RBPJ: variants seen among roughly 807,000 people sequenced by gnomAD.
RBPJ encodes recombination signal binding protein for immunoglobulin kappa J region, also known as recombining binding protein suppressor of hairless.
RBPJ carries 9 observed loss-of-function variants against 67.8 expected under a neutral mutation model. The ratio of observed to expected loss-of-function variants is 0.13; its 90% confidence interval spans 0.08 to 0.23. RBPJ has a LOEUF of 0.23. RBPJ is among the 10% of genes least tolerant of loss of function. The pLI, the probability that RBPJ is intolerant of heterozygous loss-of-function variation, is 1.00. For missense variants in RBPJ, 305 were observed against 595.6 expected (o/e 0.51, Z 5.08); for synonymous variants, 198 against 203.3 (o/e 0.97, Z 0.22).
intron 1 of RBPJ, among the ~76,000 whole-genome samples, chr4:26,253,589 G>A (rs1202324464): frequency 6.6e-6 from 1 of 151,008 alleles, no homozygotes; most frequent in Admixed American, 6.6e-5. Context: ...GGGTTAATCT[G>A]CTATTTCAAC....
intron 1 of RBPJ, among the ~76,000 whole-genome samples, chr4:26,354,640 G>A (rs1577505653): frequency 6.6e-6 from 1 of 151,820 alleles, no homozygotes; most frequent in South Asian, 2.1e-4. Context: ...AGTAGAGACC[G>A]GGTTTCTCCG....
intron 1 of RBPJ, among the ~76,000 whole-genome samples, chr4:26,344,526 C>T (rs1013122914): frequency 2.0e-5 from 3 of 152,216 alleles, no homozygotes; most frequent in Admixed American, 6.5e-5. Flanking sequence ...TGAGCCACCG[C>T]GCCCGGCTGC....
rs1346145785 is a variant in RBPJ, at chr4:26,424,188, T to C, written c.497-154T>C. On this transcript the variant is annotated intron_variant, in intron 5 of 10. Transcript: ENST00000355476. This position sits in a 1 kb window ranked among gnomAD's most constrained non-coding sequence, Gnocchi z 5.3. ...AATAACAGTTACCTTGACTTTTTGA[T>C]ATCATCTGTACTGTCTTGGAAAGTG... Among the ~76,000 whole-genome samples the C allele has an allele frequency of 6.6e-6, 1 of 152,262 alleles. No individual in the cohort carries two copies. Among genetic ancestry groups the C allele is most frequent in the African/African-American group, 2.4e-5 (1 of 41,474 alleles).
intron 1 of RBPJ, among the ~76,000 whole-genome samples, chr4:26,364,620 A>AT (rs1560296477): frequency 7.6e-5 from 7 of 92,436 alleles, no homozygotes; most frequent in Non-Finnish European, 1.1e-4. Context: ...TTTCTTTTTC[A>AT]TTTTCTTTTT....
At chr4:26,338,580 T>TTC (rs2109386772) in intron 1 of RBPJ, among the ~76,000 whole-genome samples, 1 of 150,544 alleles carries the variant, frequency 6.6e-6, no homozygotes, top group East Asian at 1.9e-4. Context: ...GCTCTAACTT[T>TTC]TTTTTTTTTT....
At chr4:26,138,271 C>T in the RBPJ span, among the ~76,000 whole-genome samples, 1 of 152,114 alleles carries the variant, frequency 6.6e-6, no homozygotes, top group South Asian at 2.1e-4. Context: ...TTGAAGCCAG[C>T]CTGAGTTGGG....
At chr4:26,205,917 A>G (rs1577470499) in intron 1 of RBPJ, among the ~76,000 whole-genome samples, 1 of 152,306 alleles carries the variant, frequency 6.6e-6, no homozygotes, top group East Asian at 1.9e-4. Context: ...AAGAAAAAAA[A>G]AACTTCTAAA....
At chr4:26,206,333 T>C (rs1718168716) in intron 1 of RBPJ, among the ~76,000 whole-genome samples, 1 of 152,242 alleles carries the variant, frequency 6.6e-6, no homozygotes, top group African/African-American at 2.4e-5. Context: ...GTGACTATCC[T>C]TGTGAAATTA....
intron 1 of RBPJ, among the ~76,000 whole-genome samples, chr4:26,348,288 A>G (rs929322189): frequency 6.6e-6 from 1 of 152,032 alleles, no homozygotes; most frequent in African/African-American, 2.4e-5. Context: ...AATCAGAAAA[A>G]ATATTCTGTG....
chr4:26,258,862 G>A (rs1720436147), intron 1 of RBPJ, among the ~76,000 whole-genome samples: 1 of 151,894 alleles, frequency 6.6e-6, no homozygotes, highest in African/African-American at 2.4e-5. Context: ...GGAGTGCAGT[G>A]GTGCGATCTT....
At chr4:26,175,129 T>A (rs993658117) in intron 1 of RBPJ, among the ~76,000 whole-genome samples, 1 of 152,112 alleles carries the variant, frequency 6.6e-6, no homozygotes, top group Non-Finnish European at 1.5e-5. Flanking sequence ...AAAGGGAAAG[T>A]GCATCTGAAT....
chr4:26,387,074 G>A (rs1730990738), intron 2 of RBPJ, among the ~76,000 whole-genome samples: 1 of 151,966 alleles, frequency 6.6e-6, no homozygotes, highest in African/African-American at 2.4e-5. Flanking sequence ...CTCTATCATT[G>A]TTCTACACCT....
chr4:26,269,120 A>G (rs1720796421), intron 1 of RBPJ, among the ~76,000 whole-genome samples: 1 of 152,096 alleles, frequency 6.6e-6, no homozygotes, highest in Non-Finnish European at 1.5e-5. Context: ...AGTGCTGTTG[A>G]AAGCACTTTC....
At chr4:26,111,529 G>T in the RBPJ span, among the ~76,000 whole-genome samples, 11 of 152,178 alleles carry the variant, frequency 7.2e-5, no homozygotes, top group African/African-American at 2.7e-4. Context: ...CTGCATGGCT[G>T]GCTTTTGGGG....
intron 1 of RBPJ, among the ~76,000 whole-genome samples, chr4:26,266,786 G>A (rs900089802): frequency 2.0e-5 from 3 of 152,170 alleles, no homozygotes; most frequent in South Asian, 4.2e-4. Context: ...ATTTAGGAGA[G>A]AGCTGGGTTC....
chr4:26,377,969 GGT>G (rs1208409055), intron 1 of RBPJ, among the ~76,000 whole-genome samples: 1 of 152,116 alleles, frequency 6.6e-6, no homozygotes, highest in African/African-American at 2.4e-5. Context: ...TCACGTGTAG[GGT>G]GTGTGGGTTT....
intron 2 of RBPJ, among the ~76,000 whole-genome samples, chr4:26,391,050 C>T (rs1560316586): frequency 6.6e-6 from 1 of 152,162 alleles, no homozygotes; most frequent in South Asian, 2.1e-4. Flanking sequence ...GAGCGAGACC[C>T]TGTCTCAAAT....
intron 1 of RBPJ, among the ~76,000 whole-genome samples, chr4:26,165,103 C>T (rs1411399346): frequency 6.6e-6 from 1 of 152,042 alleles, no homozygotes; most frequent in Admixed American, 6.6e-5. Context: ...GAAAAGGGCA[C>T]TGCTCTTTAT....
chr4:26,160,910 C>T (rs568061042), upstream of RBPJ, among the ~76,000 whole-genome samples: 46 of 152,350 alleles, frequency 3.0e-4, no homozygotes, highest in South Asian at 9.3e-3. Flanking sequence ...CTTTCTGTTT[C>T]TCTTGCCCGG....
Sources: gnomAD v4.1 joint callset for allele counts (sites outside exome capture counted in the v4.1 genomes callset) on GRCh38, gnomAD v4.1.1 for gene constraint, Gnocchi (gnomAD v3.1) non-coding constraint, MANE v1.5 for transcripts, NCBI Gene and HGNC (gene_info 2026-07-23, HGNC 2026-07-21) for gene names.